DLG2: variants seen among roughly 807,000 people sequenced by gnomAD.
The protein encoded by DLG2 is discs large MAGUK scaffold protein 2, also known as disks large homolog 2.
Under a neutral mutation model 132.5 loss-of-function variants are expected in DLG2, and 45 were observed. The observed-to-expected ratio is 0.34, with a 90% CI of 0.27 to 0.44. DLG2 has a LOEUF of 0.44. DLG2 is among the 20% of genes least tolerant of loss of function. The pLI is 1.00. For synonymous variants in DLG2, 424 were observed against 419.6 expected (o/e 1.01, Z -0.13); for missense variants, 1,045 against 1,196.9 (o/e 0.87, Z 1.87).
At chr11:83,577,653 A>ATTATATATTATAATATT (rs2096898739) in intron 19 of DLG2, among the ~76,000 whole-genome samples, 1 of 125,666 alleles carries the variant, frequency 8.0e-6, no homozygotes, top group Non-Finnish European at 1.6e-5. Flanking sequence ...TATTTATAAT[A>ATTATATATTATAATATT]TATAATATTA....
chr11:84,605,143 A>C (rs2154535362), intron 6 of DLG2, among the ~76,000 whole-genome samples: 1 of 152,082 alleles, frequency 6.6e-6, no homozygotes, highest in East Asian at 1.9e-4. Context: ...TTCAAGGTTA[A>C]TGCCATAAAT....
chr11:84,482,162 C>A (rs973741714), intron 7 of DLG2, among the ~76,000 whole-genome samples: 7 of 151,992 alleles, frequency 4.6e-5, no homozygotes, highest in African/African-American at 1.7e-4. Flanking sequence ...AAGAGAATTG[C>A]AACAAAACAA....
chr11:84,868,686 C>A (rs1754595820), intron 6 of DLG2, among the ~76,000 whole-genome samples: 2 of 152,152 alleles, frequency 1.3e-5, no homozygotes, highest in Non-Finnish European at 1.5e-5. Context: ...CGGGCAGACA[C>A]AGACCCCCGA....
chr11:84,207,504 A>C (rs577015241), intron 8 of DLG2, among the ~76,000 whole-genome samples: 1 of 152,224 alleles, frequency 6.6e-6, no homozygotes, highest in East Asian at 1.9e-4. Context: ...ATAGTAAAAT[A>C]ATTTTTGACA....
chr11:84,531,248 C>T (rs1370781396), intron 7 of DLG2, among the ~76,000 whole-genome samples: 1 of 152,182 alleles, frequency 6.6e-6, no homozygotes, highest in Admixed American at 6.5e-5. Flanking sequence ...ACTGCATATT[C>T]TCACTTACAG....
intron 18 of DLG2, among the ~76,000 whole-genome samples, chr11:83,783,827 C>T (rs1480318632): frequency 6.6e-6 from 1 of 152,142 alleles, no homozygotes; most frequent in Non-Finnish European, 1.5e-5. Flanking sequence ...CCCCTTCAGG[C>T]TTATCCTTTC....
chr11:84,694,927 T>C (rs1282514188), intron 6 of DLG2, among the ~76,000 whole-genome samples: 3 of 151,610 alleles, frequency 2.0e-5, no homozygotes, highest in African/African-American at 7.3e-5. Context: ...TTGTCTTCTG[T>C]ATGCAATTTA....
At chr11:84,430,163 C>G (rs962807838) in intron 7 of DLG2, among the ~76,000 whole-genome samples, 1 of 152,134 alleles carries the variant, frequency 6.6e-6, no homozygotes, top group Non-Finnish European at 1.5e-5. Flanking sequence ...AATAGCCAGG[C>G]ACAGTGGTTC....
At chr11:84,308,329 A>G (rs987945791) in intron 7 of DLG2, among the ~76,000 whole-genome samples, 1 of 152,170 alleles carries the variant, frequency 6.6e-6, no homozygotes, top group Admixed American at 6.5e-5. Context: ...CAGAGTGTCG[A>G]TTGGTGCATT....
chr11:84,402,881 C>CGAAAAAAAAAAAAA (rs2098834998), intron 7 of DLG2, among the ~76,000 whole-genome samples: 1 of 73,914 alleles, frequency 1.4e-5, no homozygotes, highest in African/African-American at 1.0e-4. Context: ...AACTCCGTCT[C>CGAAAAAAAAAAAAA]AAAAAAAAAA....
chr11:84,857,301 G>GTTA (rs2082926878), intron 6 of DLG2, among the ~76,000 whole-genome samples: 1 of 151,948 alleles, frequency 6.6e-6, no homozygotes, highest in Non-Finnish European at 1.5e-5. Context: ...CAATAAAGGA[G>GTTA]TTAACTGATT....
chr11:85,267,186 T>C (rs998218666), intron 4 of DLG2, among the ~76,000 whole-genome samples: 4 of 152,174 alleles, frequency 2.6e-5, no homozygotes, highest in Non-Finnish European at 4.4e-5. Flanking sequence ...CAAAAAGACA[T>C]GAGAGGACTT....
chr11:84,023,358 G>A lies in DLG2; in HGVS notation c.919+35957C>T, dbSNP rs78068097. Among the ~76,000 whole-genome samples the A allele has an allele frequency of 2.4e-4, 36 of 152,062 alleles. 1 individual carries two copies. In the East Asian group the frequency reaches 5.2e-3, roughly 22 times the overall value. On this transcript the variant is annotated intron_variant, in intron 11 of 27. Coordinates refer to ENST00000376104, the MANE Select transcript of DLG2 (RefSeq NM_001142699.3). Reference sequence around the variant, plus strand: ...AAAGACAAACATTGAGCAATAACTGGGTTAATTAATCTTCATAACAAACCT... The same window carrying A: ...AAAGACAAACATTGAGCAATAACTGAGTTAATTAATCTTCATAACAAACCT...
At chr11:84,039,809 T>G (rs1009483873) in intron 11 of DLG2, among the ~76,000 whole-genome samples, 1 of 137,952 alleles carries the variant, frequency 7.2e-6, no homozygotes, top group East Asian at 2.3e-4. Flanking sequence ...ACTTCCACAG[T>G]GGTTGAACTA....
At chr11:83,847,034 CATA>C (rs1198074705) in intron 16 of DLG2, among the ~76,000 whole-genome samples, 2 of 151,006 alleles carry the variant, frequency 1.3e-5, no homozygotes, top group Non-Finnish European at 2.9e-5. Flanking sequence ...ATATACTATC[CATA>C]ATAACAACAA....
At chr11:84,787,654 G>A (rs1484600602) in intron 6 of DLG2, among the ~76,000 whole-genome samples, 1 of 152,134 alleles carries the variant, frequency 6.6e-6, no homozygotes, top group Non-Finnish European at 1.5e-5. Context: ...AAGAATATAT[G>A]CCTAATTTAT....
At chr11:84,605,171 T>C (rs1054926050) in intron 6 of DLG2, among the ~76,000 whole-genome samples, 3 of 151,948 alleles carry the variant, frequency 2.0e-5, no homozygotes, top group African/African-American at 7.2e-5. Context: ...AATATTCCAA[T>C]TAATGGGCAT....
chr11:85,171,315 A>T (rs1001469347), intron 4 of DLG2, among the ~76,000 whole-genome samples: 1 of 152,238 alleles, frequency 6.6e-6, no homozygotes, highest in East Asian at 1.9e-4. Context: ...GAGCCAGGGG[A>T]ACCCCCACCT....
intron 7 of DLG2, among the ~76,000 whole-genome samples, chr11:84,331,446 A>T (rs1316030606): frequency 7.4e-6 from 1 of 134,918 alleles, no homozygotes; most frequent in Non-Finnish European, 1.6e-5. Context: ...TATCTCAAAA[A>T]AAAAAAAAAA....
Sources: allele counts gnomAD v4.1 joint callset (sites outside exome capture counted in the v4.1 genomes callset), GRCh38; gene constraint gnomAD v4.1.1; transcripts MANE v1.5; gene names NCBI Gene and HGNC (gene_info 2026-07-23, HGNC 2026-07-21).